CDYL2: variants seen among roughly 807,000 people sequenced by gnomAD.
CDYL2 encodes chromodomain Y-like protein 2.
In CDYL2, 23 loss-of-function variants were observed where a neutral mutation model predicts 49.4. The observed-to-expected ratio is 0.47, with a 90% CI of 0.34 to 0.66. The LOEUF (loss-of-function observed/expected upper bound fraction) is 0.66. Ranked by LOEUF, CDYL2 falls within the 30% of genes least tolerant of loss-of-function variation. CDYL2 has a pLI of 0.01. For synonymous variants in CDYL2, 360 were observed against 268.8 expected (o/e 1.34, Z -3.32); for missense variants, 678 against 656.4 (o/e 1.03, Z -0.36).
At chr16:80,778,195 C>T (rs562940511) in intron 1 of CDYL2, among the ~76,000 whole-genome samples, 16 of 152,026 alleles carry the variant, frequency 1.1e-4, no homozygotes, top group Non-Finnish European at 2.1e-4. Flanking sequence ...TATCAATAGC[C>T]ACTTCTTTAA....
At chr16:80,697,002 T>G (rs574952618) in intron 1 of CDYL2, among the ~76,000 whole-genome samples, 58 of 151,932 alleles carry the variant, frequency 3.8e-4, no homozygotes, top group Admixed American at 1.9e-3. Flanking sequence ...AGTGATATTT[T>G]GTTTCTAAAA....
intron 1 of CDYL2, among the ~76,000 whole-genome samples, chr16:80,769,843 A>T (rs1014704131): frequency 2.6e-5 from 4 of 152,254 alleles, no homozygotes; most frequent in Non-Finnish European, 4.4e-5. Flanking sequence ...ACTAAAAACA[A>T]AATCAGACTT....
chr16:80,792,894 C>T (rs566773403), intron 1 of CDYL2, among the ~76,000 whole-genome samples: 12 of 152,228 alleles, frequency 7.9e-5, no homozygotes, highest in Non-Finnish European at 1.0e-4. Flanking sequence ...AATGACTGGC[C>T]GACGCTGGGA....
intron 2 of CDYL2, among the ~76,000 whole-genome samples, chr16:80,655,089 G>A (rs1349446324): frequency 6.6e-6 from 1 of 152,212 alleles, no homozygotes; most frequent in Non-Finnish European, 1.5e-5. Context: ...GATGCCCAGA[G>A]CCTGGGGACA....
At chr16:80,605,013 A>G (rs1447823392) in intron 6 of CDYL2, among the ~76,000 whole-genome samples, 1 of 152,206 alleles carries the variant, frequency 6.6e-6, no homozygotes, top group Admixed American at 6.5e-5. Flanking sequence ...TTCAGGCTAC[A>G]ATGTTAGTAA....
chr16:80,626,626 A>G (rs1184491557), intron 3 of CDYL2, among the ~76,000 whole-genome samples: 2 of 152,246 alleles, frequency 1.3e-5, no homozygotes, highest in Admixed American at 6.5e-5. Context: ...CAGAAAGTAC[A>G]TAGTGATAGA....
intron 3 of CDYL2, among the ~76,000 whole-genome samples, chr16:80,625,645 G>A (rs999050270): frequency 6.6e-6 from 1 of 152,054 alleles, no homozygotes; most frequent in Non-Finnish European, 1.5e-5. Flanking sequence ...ATACACGCAA[G>A]CACAGACATA....
intron 1 of CDYL2, among the ~76,000 whole-genome samples, chr16:80,789,784 A>T (rs1907551444): frequency 6.6e-6 from 1 of 152,250 alleles, no homozygotes; most frequent in Non-Finnish European, 1.5e-5. Context: ...GCTGAAGGCC[A>T]TTATCCTAAA....
At chr16:80,660,872 G>A (rs1328803726) in intron 2 of CDYL2, among the ~76,000 whole-genome samples, 1 of 152,086 alleles carries the variant, frequency 6.6e-6, no homozygotes, top group East Asian at 1.9e-4. Flanking sequence ...AAGGTGTCAG[G>A]GAATTCACTG....
intron 1 of CDYL2, among the ~76,000 whole-genome samples, chr16:80,787,083 C>T (rs188580908): frequency 8.5e-4 from 129 of 151,740 alleles, no homozygotes; most frequent in Middle Eastern, 3.4e-3. Flanking sequence ...AAAAAAAAGA[C>T]GAAGAAGAAG....
At chr16:80,705,705 T>C (rs537747720) in intron 1 of CDYL2, among the ~76,000 whole-genome samples, 2 of 152,400 alleles carry the variant, frequency 1.3e-5, no homozygotes, top group South Asian at 4.1e-4. Flanking sequence ...GAAGGCCACA[T>C]GGTCTCTGTT....
At chr16:80,632,454 C>T (rs531658273) in intron 3 of CDYL2, among the ~76,000 whole-genome samples, 12 of 152,094 alleles carry the variant, frequency 7.9e-5, no homozygotes, top group Non-Finnish European at 1.6e-4. Flanking sequence ...GAGGTTTCTC[C>T]TTGGGGTGAT....
At chr16:80,618,610 C>T (rs960220334) in intron 4 of CDYL2, among the ~76,000 whole-genome samples, 2 of 152,208 alleles carry the variant, frequency 1.3e-5, no homozygotes, top group Non-Finnish European at 2.9e-5. Flanking sequence ...GCTTCCATCC[C>T]TTCAGTGACC....
intron 1 of CDYL2, among the ~76,000 whole-genome samples, chr16:80,754,796 G>C (rs1906253478): frequency 6.6e-6 from 1 of 152,144 alleles, no homozygotes; most frequent in Admixed American, 6.5e-5. Flanking sequence ...ATGGGGTTTG[G>C]CTCTCTTTCT....
intron 1 of CDYL2, among the ~76,000 whole-genome samples, chr16:80,765,414 T>C (rs973326514): frequency 2.0e-5 from 3 of 151,636 alleles, no homozygotes; most frequent in African/African-American, 2.4e-5. Context: ...AGATTTGACA[T>C]GGATCTGAAA....
At chr16:80,685,354 T>A (rs1355651459) in intron 1 of CDYL2, among the ~76,000 whole-genome samples, 1 of 152,160 alleles carries the variant, frequency 6.6e-6, no homozygotes, top group Non-Finnish European at 1.5e-5. Context: ...ATGCAGCCAT[T>A]TCCCATGATG....
chr16:80,612,680 G>T lies in CDYL2; in HGVS notation c.1164C>A (p.Leu388=). The change falls in exon 5 of 7, where the codon CTC becomes CTA. Residue 388 remains leucine (L), a synonymous_variant. Coordinates refer to ENST00000570137, the MANE Select transcript of CDYL2 (RefSeq NM_152342.4). The surrounding 1 kb of genome is among the most constrained non-coding windows in gnomAD (Gnocchi z 5.0). ...WFQTPYATIR[L]TPAGCSSYTF... ...TGTAGGAGGAGCAGCCAGCAGGCGT[G>T]AGGCGGATGGTGGCGTAGGGCGTCT... The T allele has an allele frequency of 6.2e-7, 1 of 1,613,264 alleles. No homozygotes were observed. Among genetic ancestry groups the T allele is most frequent in the Non-Finnish European group, 8.5e-7 (1 of 1,179,952 alleles).
intron 1 of CDYL2, among the ~76,000 whole-genome samples, chr16:80,719,320 C>A (rs2142522793): frequency 6.6e-6 from 1 of 152,300 alleles, no homozygotes; most frequent in East Asian, 1.9e-4. Context: ...AGTCTTCTAA[C>A]TGCTCAGTGC....
intron 1 of CDYL2, among the ~76,000 whole-genome samples, chr16:80,765,332 T>A (rs570988241): frequency 6.6e-6 from 1 of 151,788 alleles, no homozygotes; most frequent in Non-Finnish European, 1.5e-5. Context: ...TTAAAGGTTA[T>A]GACAGAAACG....
Sources: allele counts gnomAD v4.1 joint callset (sites outside exome capture counted in the v4.1 genomes callset), GRCh38; gene constraint gnomAD v4.1.1; non-coding constraint Gnocchi (gnomAD v3.1); transcripts MANE v1.5; gene names NCBI Gene and HGNC (gene_info 2026-07-23, HGNC 2026-07-21).